Variants in C10orf71 observed in about 807,000 individuals in gnomAD.
C10orf71 encodes the protein chromosome 10 open reading frame 71, also known as cardiac-enriched FHL2-interacting protein.
For synonymous variants in C10orf71, 758 were observed against 726.3 expected (o/e 1.04, Z -0.70); for missense variants, 1,869 against 1,804.5 (o/e 1.04, Z -0.65).
At chr10:49,314,072 T>A (rs1848959820) in intron 1 of C10orf71, among the ~76,000 whole-genome samples, 1 of 152,044 alleles carries the variant, frequency 6.6e-6, no homozygotes, top group South Asian at 2.1e-4. Flanking sequence ...TGAAAGAGTA[T>A]CTTAAGTAGA....
chr10:49,301,576 T>C (rs533145906), intron 1 of C10orf71, among the ~76,000 whole-genome samples: 74 of 152,304 alleles, frequency 4.9e-4, no homozygotes, highest in Non-Finnish European at 1.3e-4. Flanking sequence ...CTCTGGAACA[T>C]TCCCTGGAAG....
intron 1 of C10orf71, among the ~76,000 whole-genome samples, chr10:49,313,664 C>G: frequency 6.6e-6 from 1 of 151,984 alleles, no homozygotes; most frequent in East Asian, 1.9e-4. Flanking sequence ...CTCATGGGAA[C>G]TAGGAAATGG....
intron 1 of C10orf71, among the ~76,000 whole-genome samples, chr10:49,308,050 A>T (rs897773277): frequency 6.6e-6 from 1 of 152,168 alleles, no homozygotes; most frequent in African/African-American, 2.4e-5. Flanking sequence ...CTGGCTACCC[A>T]GGCCAGAAGT....
At chr10:49,310,153 C>T (rs138785189) in intron 1 of C10orf71, among the ~76,000 whole-genome samples, 2,103 of 152,318 alleles carry the variant, frequency 0.014, 49 homozygotes, top group African/African-American at 0.048. Flanking sequence ...CTGCAGAGCC[C>T]AGCTGCCTGA....
intron 1 of C10orf71, among the ~76,000 whole-genome samples, chr10:49,305,209 C>CT (rs1310603696): frequency 6.6e-6 from 1 of 152,110 alleles, no homozygotes; most frequent in African/African-American, 2.4e-5. Flanking sequence ...AGTATGGAGG[C>CT]TGCAAGGTAG....
rs1319231184 is a variant in C10orf71 at position 49,324,979 on chromosome 10, A to C, written c.2434A>C (p.Thr812Pro). Residue 812 changes from threonine to proline, a missense_variant, in exon 3 of 3, where the codon ACC (threonine) becomes CCC (proline). Transcript: ENST00000374144. ...AAGGGAAAGTGTGTCTGGAGGAAGA[A>C]CCAGGAAGGCATCAGCAGAGGAAGC... Reference protein sequence around the residue: ...RERESVSGGRTRKASAEEANF... With the variant: ...RERESVSGGRPRKASAEEANF... The C allele has an allele frequency of 1.1e-5, 17 of 1,551,098 alleles. No homozygotes were observed. Among genetic ancestry groups the C allele is most frequent in the Non-Finnish European group, 1.5e-5 (17 of 1,146,622 alleles).
At chr10:49,303,468 A>G (rs1006261721) in intron 1 of C10orf71, among the ~76,000 whole-genome samples, 5 of 152,258 alleles carry the variant, frequency 3.3e-5, no homozygotes, top group South Asian at 2.1e-4. Context: ...ACCTCCCATC[A>G]CTCAAGACCC....
At chr10:49,321,343 C>T (rs1372754239) in intron 2 of C10orf71, among the ~76,000 whole-genome samples, 1 of 152,158 alleles carries the variant, frequency 6.6e-6, no homozygotes, top group African/African-American at 2.4e-5. Flanking sequence ...GGTTGTTTCT[C>T]TTAACAAAAT....
chr10:49,309,146 A>G (rs540440647), intron 1 of C10orf71, among the ~76,000 whole-genome samples: 8 of 152,310 alleles, frequency 5.3e-5, no homozygotes, highest in Non-Finnish European at 7.4e-5. Flanking sequence ...CCCTCACCTG[A>G]AGGACTTCAA....
At chr10:49,301,495 C>T (rs1848728849) in intron 1 of C10orf71, among the ~76,000 whole-genome samples, 1 of 152,194 alleles carries the variant, frequency 6.6e-6, no homozygotes, top group East Asian at 1.9e-4. Context: ...CTATCAAGAC[C>T]CAAACATGGA....
intron 1 of C10orf71, among the ~76,000 whole-genome samples, chr10:49,302,005 G>A (rs1176708837): frequency 6.6e-6 from 1 of 152,142 alleles, no homozygotes; most frequent in Non-Finnish European, 1.5e-5. Context: ...CCCTTCCCAG[G>A]TGGGCTTGAG....
intron 1 of C10orf71, among the ~76,000 whole-genome samples, chr10:49,305,849 A>G (rs1035709723): frequency 7.2e-5 from 11 of 152,258 alleles, no homozygotes; most frequent in African/African-American, 2.4e-4. Context: ...TTAAATCACT[A>G]TAGATCATAA....
chr10:49,327,024 A>G lies in C10orf71; in HGVS notation c.*171A>G. 6.4e-7 allele frequency: 1 copy of G among 1,573,060 alleles called. No individual in the cohort carries two copies. Among genetic ancestry groups the G allele is most frequent in the Admixed American group, 1.7e-5 (1 of 57,604 alleles). On this transcript the variant is annotated 3_prime_UTR_variant, in exon 3 of 3. Coordinates refer to ENST00000374144, the MANE Select transcript of C10orf71 (RefSeq NM_001135196.2). ...AAGTCCAGAAGGCAGTAGGGATCCC[A>G]AGACGACCTCACCCAAAGGGCTCCC...
rs1849210539 is a variant in C10orf71, at chr10:49,325,483, C to A, written c.2938C>A (p.Leu980Ile). The A allele has an allele frequency of 6.4e-7, 1 of 1,550,614 alleles. No individual in the cohort carries two copies. The highest frequency in any genetic ancestry group is 1.4e-5 in the African/African-American group (1 of 73,162). ...VKAPPDAAPG[L>I]VASNCKSGSA... ...GGCACCACCAGATGCTGCACCTGGC[C>A]TCGTGGCAAGCAATTGCAAGAGCGG... The change falls in exon 3 of 3, where the codon CTC becomes ATC. Residue 980 changes from leucine to isoleucine, a missense_variant. By Grantham distance (5) the Leu-to-Ile change is conservative. Transcript: ENST00000374144.
At chr10:49,318,425 T>C (rs1284089898) in intron 2 of C10orf71, among the ~76,000 whole-genome samples, 1 of 152,140 alleles carries the variant, frequency 6.6e-6, no homozygotes, top group Non-Finnish European at 1.5e-5. Context: ...CTGTCATGAG[T>C]GTGTACTTTC....
At chr10:49,308,672 G>A (rs892547245) in intron 1 of C10orf71, among the ~76,000 whole-genome samples, 1 of 152,170 alleles carries the variant, frequency 6.6e-6, no homozygotes, top group Non-Finnish European at 1.5e-5. Context: ...GAGAGGGCCC[G>A]GGTCAGCCCT....
chr10:49,302,093 G>C (rs1157903325), intron 1 of C10orf71, among the ~76,000 whole-genome samples: 2 of 152,208 alleles, frequency 1.3e-5, no homozygotes, highest in Non-Finnish European at 1.5e-5. Context: ...TTCACCTGAA[G>C]CTTGAGGAGG....
At position 49,299,670 on chromosome 10, in the gene C10orf71, G is replaced by A. The variant is rs139400363; in HGVS notation, c.-248+437G>A. ...CCTCGGGGACCACGTACCCGGAACC[G>A]TGTACATGTGTGACTTTGTCCTTAG... On this transcript the variant is annotated intron_variant, in intron 1 of 2. Transcript: ENST00000374144. Among the ~76,000 whole-genome samples the A allele has an allele frequency of 3.0e-4, 46 of 152,314 alleles. 1 individual carries two copies. The East Asian group carries it at 7.7e-3, about 26-fold the overall frequency.
intron 1 of C10orf71, among the ~76,000 whole-genome samples, chr10:49,303,750 C>G (rs72792836): frequency 4.7e-3 from 717 of 152,334 alleles, no homozygotes; most frequent in Non-Finnish European, 6.7e-3. Flanking sequence ...AAAGGAGAAC[C>G]AGGCTGGCCA....
Sources: gnomAD v4.1 joint callset for allele counts (sites outside exome capture counted in the v4.1 genomes callset) on GRCh38, gnomAD v4.1.1 for gene constraint, MANE v1.5 for transcripts, NCBI Gene and HGNC (gene_info 2026-07-23, HGNC 2026-07-21) for gene names.